Variants in DNAI7 observed in about 807,000 individuals in gnomAD.
DNAI7 encodes the protein dynein axonemal intermediate chain 7.
In DNAI7, 78 loss-of-function variants were observed where a neutral mutation model predicts 86.6. The observed-to-expected ratio is 0.90, with a 90% CI of 0.75 to 1.09. DNAI7 has a LOEUF of 1.09. Ranked by LOEUF, DNAI7 falls within the 50% of genes least tolerant of loss-of-function variation. The probability of loss-of-function intolerance (pLI) is 0.00; values close to 1 mark genes in which losing one functional copy is unlikely to be tolerated. For missense variants in DNAI7, 753 were observed against 810.2 expected (o/e 0.93, Z 0.86); for synonymous variants, 274 against 273.0 (o/e 1.00, Z -0.04).
intron 1 of DNAI7, among the ~76,000 whole-genome samples, chr12:25,193,768 T>G (rs1023773705): frequency 3.3e-5 from 5 of 152,214 alleles, no homozygotes; most frequent in Non-Finnish European, 7.3e-5. Context: ...AATTATAAAT[T>G]GACTTAAGGT....
intron 2 of DNAI7, among the ~76,000 whole-genome samples, chr12:25,178,185 T>G (rs1252501275): frequency 1.3e-5 from 2 of 152,226 alleles, no homozygotes; most frequent in Non-Finnish European, 2.9e-5. Context: ...TGTGAAATTA[T>G]TTCTTTACCT....
intron 7 of DNAI7, among the ~76,000 whole-genome samples, chr12:25,148,090 T>C (rs1423780334): frequency 6.6e-6 from 1 of 152,190 alleles, no homozygotes; most frequent in African/African-American, 2.4e-5. Flanking sequence ...TTAATTTTTT[T>C]AAGTGTGATT....
intron 6 of DNAI7, 85 bp downstream of exon 6, chr12:25,154,234 G>A: frequency 9.1e-7 from 1 of 1,097,360 alleles, no homozygotes; most frequent in Non-Finnish European, 1.3e-6. Context: ...GTTATTACTT[G>A]GCAAATGATA....
chr12:25,184,980 A>G lies in DNAI7; in HGVS notation c.21+5634T>C, dbSNP rs530111502. Among the ~76,000 whole-genome samples, 399 of 150,852 alleles carry G rather than the reference A, an allele frequency of 2.6e-3. 3 individuals carry two copies. The highest frequency in any genetic ancestry group is 8.8e-3 in the African/African-American group (362 of 41,108). ...TCCCATCTCTATAAAAAAAAAAAAA[A>G]AAAGAAAGAAAAAGAAATTCCCAGG... is the stretch of plus-strand genomic sequence containing the variant. On this transcript the variant is annotated intron_variant, in intron 2 of 15. Transcript: ENST00000395987.
chr12:25,113,748 G>T (rs931667903), intron 13 of DNAI7, among the ~76,000 whole-genome samples: 5 of 151,956 alleles, frequency 3.3e-5, no homozygotes, highest in Non-Finnish European at 5.9e-5. Flanking sequence ...ATAATTCAAT[G>T]ATTTTTAGTA....
intron 9 of DNAI7, among the ~76,000 whole-genome samples, chr12:25,136,236 A>T (rs778942669): frequency 7.9e-5 from 12 of 151,890 alleles, no homozygotes; most frequent in Admixed American, 3.3e-4. Flanking sequence ...ACATCACACG[A>T]CTCTTTGCAG....
chr12:25,175,732 T>C (rs1948887366), intron 2 of DNAI7, among the ~76,000 whole-genome samples: 1 of 152,164 alleles, frequency 6.6e-6, no homozygotes. Context: ...ATATGATCCT[T>C]AAAATAAAAC....
intron 1 of DNAI7, among the ~76,000 whole-genome samples, chr12:25,193,162 GA>G (rs995706325): frequency 1.7e-4 from 26 of 150,964 alleles, no homozygotes; most frequent in African/African-American, 5.1e-4. Flanking sequence ...AAAAAAAAAA[GA>G]AAAAAAATTC....
At chr12:25,191,369 G>A (rs1950501113) in intron 1 of DNAI7, among the ~76,000 whole-genome samples, 1 of 151,892 alleles carries the variant, frequency 6.6e-6, no homozygotes, top group African/African-American at 2.4e-5. Context: ...CACTCAGCCT[G>A]GGCAGCCAAG....
At chr12:25,124,474 T>C (rs1292585289) in intron 9 of DNAI7, among the ~76,000 whole-genome samples, 3 of 151,684 alleles carry the variant, frequency 2.0e-5, no homozygotes, top group Non-Finnish European at 2.9e-5. Context: ...AGTAAACAAA[T>C]GGGTATATTT....
At position 25,144,664 on chromosome 12, in the gene DNAI7, T is replaced by C. The variant is rs1481852629; in HGVS notation, c.703A>G (p.Arg235Gly). 1.9e-5 allele frequency: 31 copies of C among 1,612,784 alleles called. No individual in the cohort carries two copies. The highest frequency in any genetic ancestry group is 2.5e-5 in the Non-Finnish European group (30 of 1,179,164). The change falls in exon 9 of 16, where the codon AGA (arginine) becomes GGA (glycine). Residue 235 changes from arginine (R) to glycine (G), a missense_variant. Transcript: ENST00000395987. ...LKKNPRHRSV[R>G]FSETQIGFEI... ...AATCCAATTTGTGTTTCAGAGAATCTAACACTTCTGTGCCTGTTAATAATT... is the reference window on the plus strand; with the variant it reads ...AATCCAATTTGTGTTTCAGAGAATCCAACACTTCTGTGCCTGTTAATAATT...
chr12:25,164,190 C>T (rs954329666), intron 2 of DNAI7, among the ~76,000 whole-genome samples: 3 of 150,056 alleles, frequency 2.0e-5, no homozygotes, highest in Non-Finnish European at 3.0e-5. Flanking sequence ...TCCATGTCTA[C>T]CCCTTCTCCA....
chr12:25,126,280 G>A (rs1476170003), intron 9 of DNAI7, among the ~76,000 whole-genome samples: 2 of 152,120 alleles, frequency 1.3e-5, no homozygotes, highest in African/African-American at 2.4e-5. Context: ...ATGCCACTCT[G>A]AAGACTTTAA....
At chr12:25,152,247 G>A (rs746180653) in intron 6 of DNAI7, among the ~76,000 whole-genome samples, 11 of 152,174 alleles carry the variant, frequency 7.2e-5, no homozygotes, top group Non-Finnish European at 1.6e-4. Flanking sequence ...AGAGGATGGC[G>A]GCTGATTGCC....
At chr12:25,116,041 C>T (rs1940011281) in intron 12 of DNAI7, among the ~76,000 whole-genome samples, 1 of 151,928 alleles carries the variant, frequency 6.6e-6, no homozygotes, top group African/African-American at 2.4e-5. Context: ...TTTTGAAACT[C>T]CAAGAGGAAG....
intron 2 of DNAI7, among the ~76,000 whole-genome samples, chr12:25,188,863 T>C (rs1010909849): frequency 6.6e-6 from 1 of 152,182 alleles, no homozygotes; most frequent in Non-Finnish European, 1.5e-5. Flanking sequence ...CCTCTAAGAT[T>C]TCATAGTCTA....
chr12:25,118,783 C>T (rs1202381576), intron 12 of DNAI7, among the ~76,000 whole-genome samples: 1 of 152,050 alleles, frequency 6.6e-6, no homozygotes, highest in African/African-American at 2.4e-5. Context: ...CCAGGCTGGT[C>T]TTAAACTCCT....
chr12:25,171,835 A>G (rs908381019), intron 2 of DNAI7, among the ~76,000 whole-genome samples: 2 of 151,958 alleles, frequency 1.3e-5, no homozygotes, highest in Non-Finnish European at 2.9e-5. Flanking sequence ...ACGTGATACA[A>G]CACATAAACA....
intron 2 of DNAI7, among the ~76,000 whole-genome samples, chr12:25,184,257 T>C (rs1273147103): frequency 6.6e-6 from 1 of 152,212 alleles, no homozygotes; most frequent in Non-Finnish European, 1.5e-5. Context: ...AGAAATCTTA[T>C]ACTCATTAGT....
Sources: allele counts gnomAD v4.1 joint callset (sites outside exome capture counted in the v4.1 genomes callset), GRCh38; gene constraint gnomAD v4.1.1; transcripts MANE v1.5; gene names NCBI Gene and HGNC (gene_info 2026-07-23, HGNC 2026-07-21).